The following TNFSF10 variants were observed in gnomAD, a reference collection of about 807,000 sequenced individuals.
The protein encoded by TNFSF10 is TNF superfamily member 10.
In TNFSF10, 13 loss-of-function variants were observed where a neutral mutation model predicts 29.5. That is an observed-to-expected ratio of 0.44 (90% confidence interval 0.29 to 0.70). TNFSF10 has a LOEUF of 0.70. TNFSF10 is among the 30% of genes least tolerant of loss of function. The pLI, the probability that TNFSF10 is intolerant of heterozygous loss-of-function variation, is 0.13. For synonymous variants in TNFSF10, 111 were observed against 112.8 expected (o/e 0.98, Z 0.10); for missense variants, 345 against 330.9 (o/e 1.04, Z -0.33).
Position 172,514,606 on chromosome 3 carries a change from G to C in TNFSF10, c.270+255C>G, listed in dbSNP as rs1438924707. 7.9e-5 allele frequency among the ~76,000 whole-genome samples: 12 copies of C among 152,282 alleles called. No individual in the cohort carries two copies. The East Asian group carries it at 2.3e-3, about 29-fold the overall frequency. On this transcript the variant is annotated intron_variant, in intron 2 of 4. Transcript: ENST00000241261. ...TCCATAATGTGAGATCAAAAGGTTAGACTAGATGTGGAGGCTGTCCGGGGC... is the reference window on the plus strand; with the variant it reads ...TCCATAATGTGAGATCAAAAGGTTACACTAGATGTGGAGGCTGTCCGGGGC...
chr3:172,508,970 C>A (rs1413997202), intron 4 of TNFSF10, among the ~76,000 whole-genome samples: 1 of 151,972 alleles, frequency 6.6e-6, no homozygotes, highest in East Asian at 1.9e-4. Context: ...AAAATGGGAT[C>A]CTGAAAACTG....
At chr3:172,523,188 A>G in intron 1 of TNFSF10, 65 bp downstream of exon 1, 2 of 1,502,196 alleles carry the variant, frequency 1.3e-6, no homozygotes, top group Non-Finnish European at 1.8e-6. Flanking sequence ...GCTGACATGC[A>G]AAGAAGCAGG....
chr3:172,509,692 T>A (rs1713138791), intron 3 of TNFSF10, among the ~76,000 whole-genome samples: 1 of 152,098 alleles, frequency 6.6e-6, no homozygotes, highest in Admixed American at 6.6e-5. Context: ...ATTGTGCAAA[T>A]AACTACGTAT....
chr3:172,506,421 C>T lies in TNFSF10; in HGVS notation c.*71G>A, dbSNP rs571218932. On this transcript the variant is annotated 3_prime_UTR_variant, in exon 5 of 5. Transcript: ENST00000241261. ...TTTGTTTTGGTCAGATTTTTTGAAACATCTTCATAGTGTATCATCCTGAAA... is the reference window on the plus strand; with the variant it reads ...TTTGTTTTGGTCAGATTTTTTGAAATATCTTCATAGTGTATCATCCTGAAA... 17 of 1,481,334 alleles carry T rather than the reference C, an allele frequency of 1.1e-5. No individual in the cohort carries two copies. In the African/African-American group the frequency reaches 2.4e-4, roughly 21 times the overall value. The allele number at this position is 1,481,334 out of a possible 1,614,324, so 91.8% of individuals were successfully genotyped here.
chr3:172,508,100 T>G (rs1713063649), intron 4 of TNFSF10, among the ~76,000 whole-genome samples: 1 of 152,066 alleles, frequency 6.6e-6, no homozygotes, highest in Non-Finnish European at 1.5e-5. Context: ...TCCAGCACTT[T>G]GGGAGGCCGG....
chr3:172,518,519 T>A, intron 1 of TNFSF10: 1 of 1,231,438 alleles, frequency 8.1e-7, no homozygotes, highest in Non-Finnish European at 1.1e-6. Context: ...GAAGCCCTTC[T>A]CCTTTTTCCT....
In TNFSF10 at chr3:172,517,579, G is replaced by A. The variant is rs549792696; in HGVS notation, c.133-2581C>T. ...AAACAAAACAAAACAACCACTAATA[G>A]CAGCTATATTCTCACCTCCTACTTA... is the stretch of plus-strand genomic sequence containing the variant. On this transcript the variant is annotated intron_variant, in intron 1 of 4. Coordinates refer to ENST00000241261, the MANE Select transcript of TNFSF10 (RefSeq NM_003810.4). The A allele has an allele frequency of 7.1e-6, 7 of 985,170 alleles. No individual in the cohort carries two copies. In the Admixed American group the frequency reaches 2.5e-4, roughly 35 times the overall value. The allele number at this position is 985,170 out of a possible 1,614,324, so 61.0% of individuals were successfully genotyped here.
At chr3:172,510,214 T>C (rs1003104825) in intron 3 of TNFSF10, among the ~76,000 whole-genome samples, 1 of 152,088 alleles carries the variant, frequency 6.6e-6, no homozygotes, top group African/African-American at 2.4e-5. Context: ...AAGTGACAAT[T>C]TGGAGGCCAA....
At chr3:172,517,249 T>G in intron 1 of TNFSF10, 3 of 816,052 alleles carry the variant, frequency 3.7e-6, no homozygotes, top group Non-Finnish European at 4.4e-6. Flanking sequence ...ATGGTCGTGG[T>G]GGAGCTTGTG....
At chr3:172,518,052 A>G in intron 1 of TNFSF10, 1 of 996,050 alleles carries the variant, frequency 1.0e-6, no homozygotes, top group Non-Finnish European at 1.2e-6. Flanking sequence ...TATTCCAAGA[A>G]TGATAATTAA....
At position 172,506,030 on chromosome 3, in the gene TNFSF10, C is replaced by A. The variant is rs529574397; in HGVS notation, c.*462G>T. 41 of 154,174 alleles carry A rather than the reference C, an allele frequency of 2.7e-4. 1 individual carries two copies. In the East Asian group the frequency reaches 7.3e-3, roughly 27 times the overall value. The allele number at this position is 154,174 out of a possible 1,614,324, so 9.6% of individuals were successfully genotyped here. A position where few individuals can be genotyped will look rare whatever the true frequency, so the allele number is the denominator to read the frequency against. ...GTGAGCCACTGCACCAGGCAAACTG[C>A]GATCTTTTAGTGGTGCCTCTTCTCT... On this transcript the variant is annotated 3_prime_UTR_variant, in exon 5 of 5. Transcript: ENST00000241261.
At chr3:172,511,983 G>A (rs553030097) in intron 2 of TNFSF10, among the ~76,000 whole-genome samples, 1 of 152,326 alleles carries the variant, frequency 6.6e-6, no homozygotes, top group African/African-American at 2.4e-5. Flanking sequence ...GCCAAATGTG[G>A]CTGATGGGTG....
chr3:172,522,346 C>T (rs1577017105), intron 1 of TNFSF10: 24 of 1,085,274 alleles, frequency 2.2e-5, no homozygotes, highest in Non-Finnish European at 3.1e-5. Context: ...CAGATTTTTT[C>T]GACAGGAAGT....
At position 172,506,632 on chromosome 3, in the gene TNFSF10, C is replaced by T. The variant is rs749103402; in HGVS notation, c.706G>A (p.Glu236Lys). 1.2e-6 allele frequency: 2 copies of T among 1,614,166 alleles called. No individual in the cohort carries two copies. The highest frequency in any genetic ancestry group is 2.2e-5 in the South Asian group (2 of 91,084). ...TGATAGATGGAATAGAGTCCATATT[C>T]TGCATCTTTAGACCAACAACTATTT... ...ARNSCWSKDA[E>K]YGLYSIYQGG... The change falls in exon 5 of 5, where the codon GAA (glutamate) becomes AAA (lysine). Residue 236 changes from glutamate (E) to lysine (K), a missense_variant. Physicochemically the swap from Glu to Lys is moderately conservative, Grantham distance 56. Coordinates refer to ENST00000241261, the MANE Select transcript of TNFSF10 (RefSeq NM_003810.4).
At chr3:172,512,074 G>T (rs1713248151) in intron 2 of TNFSF10, among the ~76,000 whole-genome samples, 2 of 152,124 alleles carry the variant, frequency 1.3e-5, no homozygotes. Context: ...AAGTGCACTG[G>T]GTAGCAGAGC....
At chr3:172,515,896 T>TTGCTC (rs1170088939) in intron 1 of TNFSF10, among the ~76,000 whole-genome samples, 2 of 152,200 alleles carry the variant, frequency 1.3e-5, no homozygotes, top group East Asian at 3.8e-4. Flanking sequence ...TTTGTTTGCT[T>TTGCTC]TGCTCATTTC....
At position 172,518,174 on chromosome 3, in the gene TNFSF10, G is replaced by C. The variant is rs1370381813; in HGVS notation, c.133-3176C>G. On this transcript the variant is annotated intron_variant, in intron 1 of 4. Coordinates refer to ENST00000241261, the MANE Select transcript of TNFSF10 (RefSeq NM_003810.4). Reference sequence around the variant, plus strand: ...TCTAACTAACCACACTTGGGCATTGGGGGCAGAAGGTAGCGTGTGGGGATT... The same window carrying C: ...TCTAACTAACCACACTTGGGCATTGCGGGCAGAAGGTAGCGTGTGGGGATT... 5 of 1,094,006 alleles carry C rather than the reference G, an allele frequency of 4.6e-6. No homozygotes were observed. The Admixed American group carries it at 1.5e-4, about 33-fold the overall frequency. The allele number at this position is 1,094,006 out of a possible 1,614,324, so 67.8% of individuals were successfully genotyped here. A position where few individuals can be genotyped will look rare whatever the true frequency, so the allele number is the denominator to read the frequency against.
At chr3:172,522,877 G>A (rs779317276) in intron 1 of TNFSF10, among the ~76,000 whole-genome samples, 1 of 152,124 alleles carries the variant, frequency 6.6e-6, no homozygotes, top group African/African-American at 2.4e-5. Context: ...TCAATTGAAT[G>A]TGCACAAATA....
At chr3:172,519,563 T>C (rs189193875) in intron 1 of TNFSF10, among the ~76,000 whole-genome samples, 1 of 152,328 alleles carries the variant, frequency 6.6e-6, no homozygotes, top group Non-Finnish European at 1.5e-5. Context: ...AAGCTAAAGG[T>C]ATGATTACAG....
Sources: gnomAD v4.1 joint callset for allele counts (sites outside exome capture counted in the v4.1 genomes callset) on GRCh38, gnomAD v4.1.1 for gene constraint, MANE v1.5 for transcripts, NCBI Gene and HGNC (gene_info 2026-07-23, HGNC 2026-07-21) for gene names.